The following GALK2 variants were observed in gnomAD, a reference collection of about 807,000 sequenced individuals.
GALK2 encodes N-acetylgalactosamine kinase.
Under a neutral mutation model 52.4 loss-of-function variants are expected in GALK2, and 36 were observed. That is an observed-to-expected ratio of 0.69 (90% CI 0.53 to 0.91). The LOEUF (loss-of-function observed/expected upper bound fraction) is 0.91. Ranked by LOEUF, GALK2 falls within the 40% of genes least tolerant of loss-of-function variation. The probability of loss-of-function intolerance (pLI) is 0.00; values close to 1 mark genes in which losing one functional copy is unlikely to be tolerated. For synonymous variants in GALK2, 176 were observed against 199.1 expected (o/e 0.88, Z 0.98); for missense variants, 579 against 559.1 (o/e 1.04, Z -0.36).
chr15:49,173,829 G>A (rs1325196073), intron 1 of GALK2, among the ~76,000 whole-genome samples: 3 of 151,968 alleles, frequency 2.0e-5, no homozygotes, highest in South Asian at 2.1e-4. Context: ...TGCAGCCTCC[G>A]CTCTTGGGTT....
rs555594443 is a variant in GALK2 at position 49,254,222 on chromosome 15, A to G, written c.504+14855A>G. 3.5e-5 allele frequency among the ~76,000 whole-genome samples: 5 copies of G among 143,766 alleles called. 1 individual carries two copies. In the South Asian group the frequency reaches 1.1e-3, roughly 33 times the overall value. 94.3% of individuals were successfully genotyped at this position (143,766 alleles called of 152,430 possible). On this transcript the variant is annotated intron_variant, in intron 5 of 9. Transcript: ENST00000560031. ...AGTACTATATTTGGATGAATTAACA[A>G]CTGGTTGTTAATTTTGACTGTATTT...
chr15:49,201,269 C>G lies in GALK2; in HGVS notation c.142+19C>G. On this transcript the variant is annotated intron_variant, in intron 2 of 9. Coordinates refer to ENST00000560031, the MANE Select transcript of GALK2 (RefSeq NM_002044.4). ...ATAATAGGTATTTCAAAAGTTCCTT[C>G]TCTTAATTTTTTTCTTCATCCTTTG... 1 of 1,439,030 alleles carries G rather than the reference C, an allele frequency of 6.9e-7. No individual in the cohort carries two copies. Among genetic ancestry groups the G allele is most frequent in the Non-Finnish European group, 9.7e-7 (1 of 1,033,972 alleles). The allele number at this position is 1,439,030 out of a possible 1,614,324, so 89.1% of individuals were successfully genotyped here. A position where few individuals can be genotyped will look rare whatever the true frequency, so the allele number is the denominator to read the frequency against.
intron 3 of GALK2, among the ~76,000 whole-genome samples, chr15:49,361,348 G>T (rs993242672): frequency 2.6e-5 from 4 of 151,894 alleles, no homozygotes; most frequent in African/African-American, 9.7e-5. Flanking sequence ...CACCACTCAG[G>T]TAATAAGCAT....
At chr15:49,168,666 A>G (rs1218975109), upstream of GALK2, among the ~76,000 whole-genome samples, 2 of 151,808 alleles carry the variant, frequency 1.3e-5, no homozygotes, top group Non-Finnish European at 2.9e-5. Flanking sequence ...TGTAGTGAAC[A>G]GAGATCATGC....
chr15:49,325,988 A>G (rs1399027952), intron 9 of GALK2, among the ~76,000 whole-genome samples: 1 of 152,230 alleles, frequency 6.6e-6, no homozygotes, highest in East Asian at 1.9e-4. Flanking sequence ...CAGCTTTCAA[A>G]AACTGTTCAA....
intron 5 of GALK2, among the ~76,000 whole-genome samples, chr15:49,259,943 G>A (rs1016427945): frequency 1.3e-5 from 2 of 151,714 alleles, no homozygotes; most frequent in African/African-American, 4.8e-5. Context: ...GTATTCCATG[G>A]TGTATATGTG....
chr15:49,175,020 A>G (rs2085345225), intron 1 of GALK2, among the ~76,000 whole-genome samples: 1 of 152,180 alleles, frequency 6.6e-6, no homozygotes, highest in Admixed American at 6.5e-5. Context: ...AGTCTGTCTT[A>G]TACAATAGAG....
At chr15:49,184,998 T>C (rs1029251852) in intron 1 of GALK2, among the ~76,000 whole-genome samples, 2 of 152,206 alleles carry the variant, frequency 1.3e-5, no homozygotes, top group African/African-American at 4.8e-5. Flanking sequence ...TAACTTCTAC[T>C]GTTGATATGT....
chr15:49,171,187 A>G (rs1452368335), intron 1 of GALK2, among the ~76,000 whole-genome samples: 1 of 148,518 alleles, frequency 6.7e-6, no homozygotes, highest in Non-Finnish European at 1.5e-5. Flanking sequence ...GGTTCAAGCG[A>G]TTCTCCTGTC....
chr15:49,237,499 C>T (rs112279985), intron 4 of GALK2, among the ~76,000 whole-genome samples: 9,177 of 151,818 alleles, frequency 0.06, 553 homozygotes, highest in African/African-American at 0.15. Context: ...TTTTTTGAGA[C>T]GGAGTCTTGC....
chr15:49,286,649 C>T (rs1383967285), intron 7 of GALK2, among the ~76,000 whole-genome samples: 4 of 152,184 alleles, frequency 2.6e-5, no homozygotes, highest in African/African-American at 9.7e-5. Flanking sequence ...AGTGCTTTAA[C>T]ATTGAACTCT....
intron 8 of GALK2, 53 bp from the exon 9 acceptor site, chr15:49,319,551 G>A (rs2036713320): frequency 6.8e-7 from 1 of 1,479,820 alleles, no homozygotes; most frequent in Non-Finnish European, 9.4e-7. Context: ...TCTTTATACT[G>A]GGTTGTCCAG....
chr15:49,229,513 C>G (rs73392262), intron 3 of GALK2, among the ~76,000 whole-genome samples: 37,687 of 151,968 alleles, frequency 0.25, 4,968 homozygotes, highest in African/African-American at 0.31. Flanking sequence ...AGTAGTAGTA[C>G]GTTGGGTGGG....
Position 49,318,699 on chromosome 15 carries a change from TATA to T in GALK2, c.968-901_968-899del, listed in dbSNP as rs1213141868. On this transcript the variant is annotated intron_variant, in intron 8 of 9. Transcript: ENST00000560031. ...TAAATAATTGTGTTTATCTGGGACA[TATA>T]ATATTTTTATTTAAAAAATTGCCAC... Among the ~76,000 whole-genome samples, 5 of 152,260 alleles carry T rather than the reference TATA, an allele frequency of 3.3e-5. No individual in the cohort carries two copies. The East Asian group carries it at 7.7e-4, about 23-fold the overall frequency.
intron 3 of GALK2, among the ~76,000 whole-genome samples, chr15:49,340,976 G>A (rs1329940722): frequency 6.6e-6 from 1 of 152,110 alleles, no homozygotes; most frequent in African/African-American, 2.4e-5. Context: ...CCAATCTTTG[G>A]CATATGGCTG....
chr15:49,216,829 C>A (rs73392236), intron 2 of GALK2, among the ~76,000 whole-genome samples: 28,503 of 152,134 alleles, frequency 0.19, 2,823 homozygotes, highest in Non-Finnish European at 0.21. Flanking sequence ...TTCACCCTCC[C>A]TCCCCCAAAC....
At position 49,319,692 on chromosome 15, in the gene GALK2, A is replaced by T; in HGVS notation, c.1056A>T (p.Ala352=). The change falls in exon 9 of 10, where the codon GCA becomes GCT. Residue 352 remains alanine, a synonymous_variant. Coordinates refer to ENST00000560031, the MANE Select transcript of GALK2 (RefSeq NM_002044.4). ...VLQFKKICEE[A]PENMVQLLGE... is the part of the protein sequence containing the mutation. The stretch of plus-strand genomic sequence containing the variant: ...AGTTTAAGAAGATATGTGAAGAAGC[A>T]CCTGAAAACATGGTCCAGCTGCTGG... The T allele has an allele frequency of 1.9e-6, 3 of 1,614,144 alleles. No homozygotes were observed. Among genetic ancestry groups the T allele is most frequent in the Non-Finnish European group, 2.5e-6 (3 of 1,180,034 alleles).
intron 3 of GALK2, among the ~76,000 whole-genome samples, chr15:49,352,959 G>C (rs1403912206): frequency 6.6e-6 from 1 of 152,096 alleles, no homozygotes; most frequent in Non-Finnish European, 1.5e-5. Flanking sequence ...AGCTTTGCTT[G>C]GTCAACAGGT....
intron 9 of GALK2, among the ~76,000 whole-genome samples, chr15:49,320,274 G>C (rs547486925): frequency 6.6e-6 from 1 of 152,284 alleles, no homozygotes; most frequent in Non-Finnish European, 1.5e-5. Flanking sequence ...GGGGAGATTT[G>C]CTGAAGGAAT....
Sources: gnomAD v4.1 joint callset for allele counts (sites outside exome capture counted in the v4.1 genomes callset) on GRCh38, gnomAD v4.1.1 for gene constraint, MANE v1.5 for transcripts, NCBI Gene and HGNC (gene_info 2026-07-23, HGNC 2026-07-21) for gene names.